The following CFAP61 variants were observed in gnomAD, a reference collection of about 807,000 sequenced individuals.
CFAP61 encodes cilia- and flagella-associated protein 61.
CFAP61 carries 107 observed loss-of-function variants against 135.6 expected under a neutral mutation model. That is an observed-to-expected ratio of 0.79 (90% CI 0.67 to 0.93). The LOEUF is 0.93. Among genes scored for constraint, CFAP61 ranks in the 40% least tolerant of loss-of-function variants. CFAP61 has a pLI of 0.00. For synonymous variants in CFAP61, 575 were observed against 578.5 expected, an observed-to-expected ratio of 0.99 and a Z score of 0.09; for missense variants, 1,507 against 1,556.2, an observed-to-expected ratio of 0.97 and a Z score of 0.53.
intron 7 of CFAP61, among the ~76,000 whole-genome samples, chr20:20,097,982 A>G (rs751283773): frequency 6.6e-6 from 1 of 152,188 alleles, no homozygotes; most frequent in Non-Finnish European, 1.5e-5. Context: ...GAGGGAAAGA[A>G]AGTAGACAGG....
At chr20:20,275,260 G>A (rs2053660227) in intron 21 of CFAP61, among the ~76,000 whole-genome samples, 1 of 152,228 alleles carries the variant, frequency 6.6e-6, no homozygotes, top group South Asian at 2.1e-4. Flanking sequence ...ACCCACAGGT[G>A]TGTAGACCAC....
intron 25 of CFAP61, among the ~76,000 whole-genome samples, chr20:20,303,959 C>T (rs2056268671): frequency 6.6e-6 from 1 of 152,194 alleles, no homozygotes; most frequent in Non-Finnish European, 1.5e-5. Flanking sequence ...ACAGCGCAGG[C>T]ACTAGCTGTG....
At chr20:20,248,523 A>G (rs1172998857) in intron 19 of CFAP61, among the ~76,000 whole-genome samples, 1 of 152,204 alleles carries the variant, frequency 6.6e-6, no homozygotes, top group Non-Finnish European at 1.5e-5. Flanking sequence ...GGAGGTGCTA[A>G]TGGCATGTCT....
chr20:20,053,347 C>T (rs2043924385), intron 1 of CFAP61, among the ~76,000 whole-genome samples: 1 of 152,332 alleles, frequency 6.6e-6, no homozygotes, highest in African/African-American at 2.4e-5. Context: ...TACCTCTTCC[C>T]TCCTCTAACA....
At chr20:20,103,661 A>G (rs181595212) in intron 8 of CFAP61, among the ~76,000 whole-genome samples, 3 of 152,350 alleles carry the variant, frequency 2.0e-5, no homozygotes, top group Admixed American at 2.0e-4. Flanking sequence ...CTGGCACTTT[A>G]TGAATATTTT....
intron 25 of CFAP61, among the ~76,000 whole-genome samples, chr20:20,333,798 T>A (rs2058081403): frequency 6.6e-6 from 1 of 152,188 alleles, no homozygotes; most frequent in African/African-American, 2.4e-5. Context: ...AGAGCAAATG[T>A]GACCTGATGA....
chr20:20,228,672 T>C, intron 18 of CFAP61: 1 of 242,752 alleles, frequency 4.1e-6, no homozygotes, highest in East Asian at 7.4e-5. Context: ...GCAGATTAGA[T>C]GGCAGACTCC....
At chr20:20,323,673 G>GT (rs796260017) in intron 25 of CFAP61, among the ~76,000 whole-genome samples, 26 of 152,240 alleles carry the variant, frequency 1.7e-4, no homozygotes, top group Non-Finnish European at 2.5e-4. Context: ...ATTTCTAGAG[G>GT]TTTTTTTAAA....
At chr20:20,305,806 C>T (rs760855943) in intron 25 of CFAP61, among the ~76,000 whole-genome samples, 10 of 152,338 alleles carry the variant, frequency 6.6e-5, no homozygotes, top group African/African-American at 2.2e-4. Context: ...AAAAGGCAAT[C>T]GAGGTCAGTT....
intron 6 of CFAP61, among the ~76,000 whole-genome samples, chr20:20,089,283 G>T (rs76080768): frequency 0.047 from 7,107 of 152,106 alleles, 548 homozygotes; most frequent in African/African-American, 0.16. Flanking sequence ...ATCCCCATGG[G>T]CCTTGCTCTC....
Position 20,188,093 on chromosome 20 carries a change from A to G in CFAP61, c.1512+37A>G, listed in dbSNP as rs866854504. On this transcript the variant is annotated intron_variant, in intron 14 of 26. Coordinates refer to ENST00000245957, the MANE Select transcript of CFAP61 (RefSeq NM_015585.4). ...TTGTGACCAGACCTCAGGATATGGG[A>G]CCATTATGATGACCCATGTAGATTC... 8.7e-6 allele frequency: 14 copies of G among 1,610,588 alleles called. No homozygotes were observed. In the African/African-American group the frequency reaches 1.9e-4, roughly 22 times the overall value.
chr20:20,157,928 C>T (rs926003488), intron 9 of CFAP61, among the ~76,000 whole-genome samples: 2 of 151,966 alleles, frequency 1.3e-5, no homozygotes, highest in Non-Finnish European at 2.9e-5. Context: ...CACAATAATA[C>T]AAAGTAAAAA....
intron 17 of CFAP61, among the ~76,000 whole-genome samples, chr20:20,216,542 A>T (rs1195304702): frequency 6.6e-6 from 1 of 152,230 alleles, no homozygotes; most frequent in Non-Finnish European, 1.5e-5. Flanking sequence ...CATGAGCAGC[A>T]ACCCACATCC....
chr20:20,243,595 A>G (rs1281005632), intron 18 of CFAP61, among the ~76,000 whole-genome samples: 3 of 151,916 alleles, frequency 2.0e-5, no homozygotes, highest in Admixed American at 2.0e-4. Context: ...GTGCCACCAC[A>G]CCTGGCTAAT....
chr20:20,308,250 T>TC (rs2056594613), intron 25 of CFAP61, among the ~76,000 whole-genome samples: 1 of 152,164 alleles, frequency 6.6e-6, no homozygotes, highest in South Asian at 2.1e-4. Flanking sequence ...GAACAGTCGT[T>TC]CCCTAAAATG....
intron 2 of CFAP61, among the ~76,000 whole-genome samples, chr20:20,058,234 A>G (rs1477092082): frequency 7.7e-6 from 1 of 130,626 alleles, no homozygotes; most frequent in Non-Finnish European, 1.6e-5. Flanking sequence ...TAAAATGCCT[A>G]AAAAATAGAT....
chr20:20,100,593 C>A (rs550383307), intron 8 of CFAP61, among the ~76,000 whole-genome samples: 1 of 152,156 alleles, frequency 6.6e-6, no homozygotes, highest in African/African-American at 2.4e-5. Flanking sequence ...CTTAGCTCAG[C>A]GCCAAACACA....
Position 20,228,280 on chromosome 20 carries a change from A to G in CFAP61, c.1964A>G (p.Lys655Arg), listed in dbSNP as rs1463721510. The change falls in exon 18 of 27, where the codon AAA (lysine) becomes AGA (arginine). Residue 655 changes from lysine (K) to arginine (R), a missense_variant. Lys to Arg is a conservative substitution (Grantham distance 26). Coordinates refer to ENST00000245957, the MANE Select transcript of CFAP61 (RefSeq NM_015585.4). ...TATGCTTTAAACCATACAAACAGAAAACTAACATTGGAACCTAAAATTACT... is the reference window on the plus strand; with the variant it reads ...TATGCTTTAAACCATACAAACAGAAGACTAACATTGGAACCTAAAATTACT... ...MSYALNHTNR[K>R]LTLEPKITVN... 6.2e-7 allele frequency: 1 copy of G among 1,611,342 alleles called. No homozygotes were observed. The highest frequency in any genetic ancestry group is 1.1e-5 in the South Asian group (1 of 90,822).
chr20:20,065,824 G>T (rs138061770), intron 2 of CFAP61, among the ~76,000 whole-genome samples: 4 of 152,092 alleles, frequency 2.6e-5, no homozygotes, highest in South Asian at 2.1e-4. Context: ...GTGGCGATCG[G>T]GGGGACAGAA....
Sources: allele counts gnomAD v4.1 joint callset (sites outside exome capture counted in the v4.1 genomes callset), GRCh38; gene constraint gnomAD v4.1.1; transcripts MANE v1.5; gene names NCBI Gene and HGNC (gene_info 2026-07-23, HGNC 2026-07-21).